The following ESR1 variants were observed in gnomAD, a reference collection of about 807,000 sequenced individuals.
The protein encoded by ESR1 is estrogen receptor.
Under a neutral mutation model 52.7 loss-of-function variants are expected in ESR1, and 12 were observed. That is an observed-to-expected ratio of 0.23 (90% CI 0.15 to 0.37). The LOEUF is 0.37. Among genes scored for constraint, ESR1 ranks in the 10% least tolerant of loss-of-function variants. The pLI, the probability that ESR1 is intolerant of heterozygous loss-of-function variation, is 1.00. For missense variants in ESR1, 584 were observed against 779.7 expected, an observed-to-expected ratio of 0.75 and a Z score of 2.99; for synonymous variants, 305 against 316.8, an observed-to-expected ratio of 0.96 and a Z score of 0.39.
chr6:151,896,081 G>A (rs1020604209), intron 3 of ESR1, among the ~76,000 whole-genome samples: 2 of 152,208 alleles, frequency 1.3e-5, no homozygotes, highest in African/African-American at 2.4e-5. Context: ...TTACAGGCGT[G>A]AGCCACAGCG....
chr6:151,854,729 A>G (rs923950145), intron 2 of ESR1, among the ~76,000 whole-genome samples: 1 of 152,220 alleles, frequency 6.6e-6, no homozygotes, highest in Non-Finnish European at 1.5e-5. Context: ...GAACTTTTGT[A>G]TTAAGTGCAA....
chr6:151,937,325 C>T (rs2128501861), intron 3 of ESR1, among the ~76,000 whole-genome samples: 1 of 152,256 alleles, frequency 6.6e-6, no homozygotes, highest in South Asian at 2.1e-4. Context: ...CCTCTGGTAG[C>T]CCCATAGAAC....
intron 2 of ESR1, among the ~76,000 whole-genome samples, chr6:151,798,145 G>C (rs1314009818): frequency 6.6e-6 from 1 of 152,172 alleles, no homozygotes; most frequent in African/African-American, 2.4e-5. Flanking sequence ...AAGGGAGGCT[G>C]AGAGAGATGA....
At chr6:151,925,816 A>G (rs774924971) in intron 3 of ESR1, among the ~76,000 whole-genome samples, 1 of 151,824 alleles carries the variant, frequency 6.6e-6, no homozygotes, top group Non-Finnish European at 1.5e-5. Flanking sequence ...ATGAAGCCCA[A>G]TTTATTAATT....
chr6:151,840,178 G>T (rs186597042), intron 1 of ESR1, among the ~76,000 whole-genome samples: 22 of 152,234 alleles, frequency 1.4e-4, no homozygotes, highest in Non-Finnish European at 2.8e-4. Context: ...TCAATTTCAT[G>T]CTTGCTAAAT....
intron 1 of ESR1, among the ~76,000 whole-genome samples, chr6:151,663,512 A>G (rs1777712636): frequency 6.6e-6 from 1 of 152,180 alleles, no homozygotes; most frequent in Non-Finnish European, 1.5e-5. Context: ...ACTGCCCATA[A>G]TAATTGAAGC....
Position 151,873,580 on chromosome 6 carries a change from G to A in ESR1, c.644-7075G>A, listed in dbSNP as rs142396172. On this transcript the variant is annotated intron_variant, in intron 2 of 7. Transcript: ENST00000206249. ...ATATAACAGTGCTTTGAAAATTCACGTGCAGATTCTTACTATTTTCCCAAA... is the reference window on the plus strand; with the variant it reads ...ATATAACAGTGCTTTGAAAATTCACATGCAGATTCTTACTATTTTCCCAAA... 8.4e-3 allele frequency among the ~76,000 whole-genome samples: 1,281 copies of A among 152,246 alleles called. 7 individuals are homozygous for A. The highest frequency in any genetic ancestry group is 0.013 in the Non-Finnish European group (884 of 68,018).
At chr6:151,684,401 G>T (rs900632492) in intron 1 of ESR1, among the ~76,000 whole-genome samples, 3 of 152,166 alleles carry the variant, frequency 2.0e-5, no homozygotes, top group African/African-American at 7.2e-5. Flanking sequence ...TAATCTTGCA[G>T]TAACACGGTG....
At chr6:151,886,758 C>T (rs116129716) in intron 3 of ESR1, among the ~76,000 whole-genome samples, 17 of 151,960 alleles carry the variant, frequency 1.1e-4, no homozygotes, top group African/African-American at 2.7e-4. Context: ...AGTAAACAAC[C>T]GGCTGGCCAT....
intron 6 of ESR1, among the ~76,000 whole-genome samples, chr6:152,062,817 A>C (rs982020885): frequency 3.9e-5 from 6 of 152,206 alleles, no homozygotes; most frequent in African/African-American, 1.4e-4. Context: ...ACAGGAAGTA[A>C]AATTAGCCAG....
At chr6:151,777,718 G>C (rs1292390382) in intron 2 of ESR1, among the ~76,000 whole-genome samples, 1 of 152,128 alleles carries the variant, frequency 6.6e-6, no homozygotes, top group Non-Finnish European at 1.5e-5. Flanking sequence ...CTAGCACTTT[G>C]GGGGACTGAG....
At chr6:152,129,307 A>G (rs1199532565) in exon 7 of ESR1, 1 of 152,242 alleles carries the variant, frequency 6.6e-6, no homozygotes, top group East Asian at 1.9e-4. Flanking sequence ...TATCATTTGT[A>G]TCAACCAAAG....
rs771334693 is a variant in ESR1, at chr6:152,122,475, G to A, written c.851-2791G>A. The A allele has an allele frequency of 8.5e-5, 138 of 1,614,088 alleles. 5 individuals carry two copies. In the South Asian group the frequency reaches 1.4e-3, roughly 17 times the overall value. On this transcript the variant is annotated intron_variant, in intron 6 of 6. Coordinates refer to the ESR1 transcript ENST00000427531. ...GGCCATTCGTGTATCTGAGCATGGG[G>A]TGGAATGACCGGGCAAAGTTGTTGG...
At chr6:151,686,080 T>TA (rs1778657630), upstream of ESR1, among the ~76,000 whole-genome samples, 2 of 147,520 alleles carry the variant, frequency 1.4e-5, no homozygotes, top group Non-Finnish European at 1.5e-5. Context: ...TTTTTTTTTT[T>TA]TTTTTTTTAT....
chr6:151,670,592 A>C (rs893749140), intron 1 of ESR1, among the ~76,000 whole-genome samples: 1 of 152,032 alleles, frequency 6.6e-6, no homozygotes, highest in African/African-American at 2.4e-5. Context: ...ACTTAAAAAA[A>C]AATTTTTTTT....
intron 4 of ESR1, among the ~76,000 whole-genome samples, chr6:151,960,154 G>A (rs775416268): frequency 7.0e-4 from 107 of 152,144 alleles, no homozygotes; most frequent in Non-Finnish European, 1.4e-3. Context: ...GGAAATGGCA[G>A]CTCCAGGTTC....
At chr6:151,702,464 A>G (rs539782634) in intron 2 of ESR1, among the ~76,000 whole-genome samples, 109 of 152,276 alleles carry the variant, frequency 7.2e-4, no homozygotes, top group African/African-American at 2.4e-3. Context: ...TGCCAGTTGT[A>G]TGGTGCTAAT....
chr6:152,065,465 A>G (rs2128971836), intron 6 of ESR1, among the ~76,000 whole-genome samples: 1 of 152,324 alleles, frequency 6.6e-6, no homozygotes, highest in Non-Finnish European at 1.5e-5. Context: ...TCAAAGCTTT[A>G]TATGTAAAAA....
chr6:152,050,747 T>C (rs2046617584), intron 5 of ESR1, among the ~76,000 whole-genome samples: 1 of 152,226 alleles, frequency 6.6e-6, no homozygotes, highest in Non-Finnish European at 1.5e-5. Flanking sequence ...TTCAGATCAT[T>C]GCATTTGTTC....
Sources: gnomAD v4.1 joint callset for allele counts (sites outside exome capture counted in the v4.1 genomes callset) on GRCh38, gnomAD v4.1.1 for gene constraint, MANE v1.5 for transcripts, NCBI Gene and HGNC (gene_info 2026-07-23, HGNC 2026-07-21) for gene names.